Variants in PLCB4 observed in about 807,000 individuals in gnomAD.
PLCB4 encodes 1-phosphatidylinositol 4,5-bisphosphate phosphodiesterase beta-4.
In PLCB4, 77 loss-of-function variants were observed where a neutral mutation model predicts 178.8. That is an observed-to-expected ratio of 0.43 (90% CI 0.36 to 0.52). The LOEUF (loss-of-function observed/expected upper bound fraction) is 0.52, where lower values mean the gene tolerates loss of function less well. Among genes scored for constraint, PLCB4 ranks in the 20% least tolerant of loss-of-function variants. The pLI is 0.00. For missense variants in PLCB4, 1,024 were observed against 1,453.4 expected (o/e 0.70, Z 4.80); for synonymous variants, 496 against 490.8 (o/e 1.01, Z -0.14).
intron 2 of PLCB4, among the ~76,000 whole-genome samples, chr20:9,161,406 A>ACT (rs1568866573): frequency 5.9e-5 from 9 of 152,222 alleles, no homozygotes; most frequent in Admixed American, 2.6e-4. Flanking sequence ...GAGAAGATGG[A>ACT]CAGTAGAGAG....
rs138048031 is a variant in PLCB4, at chr20:9,361,423, A to G, written c.370-1473A>G. Among the ~76,000 whole-genome samples the G allele has an allele frequency of 8.5e-4, 129 of 152,358 alleles. 1 individual carries two copies. The highest frequency in any genetic ancestry group is 2.7e-3 in the African/African-American group (111 of 41,582). On this transcript the variant is annotated intron_variant, in intron 7 of 39. Coordinates refer to ENST00000378473, the MANE Select transcript of PLCB4 (RefSeq NM_001377142.1). ...GTTCCATTTATATGAGGCACCTAGC[A>G]TAGTCAGAATCACAGAGACAGAAAG... is the stretch of plus-strand genomic sequence containing the variant.
In PLCB4 at chr20:9,286,454, T is replaced by G. The variant is rs181471064; in HGVS notation, c.-15-21346T>G. On this transcript the variant is annotated intron_variant, in intron 3 of 39. Coordinates refer to ENST00000378473, the MANE Select transcript of PLCB4 (RefSeq NM_001377142.1). ...TCTCTGGCTTCTGGTTTTACTTCAATGTTTACATCTATTTCTTCAGGCCTA... is the reference window on the plus strand; with the variant it reads ...TCTCTGGCTTCTGGTTTTACTTCAAGGTTTACATCTATTTCTTCAGGCCTA... 2.0e-5 allele frequency among the ~76,000 whole-genome samples: 3 copies of G among 152,190 alleles called. No homozygotes were observed. In the East Asian group the frequency reaches 5.8e-4, roughly 30 times the overall value.
At chr20:9,138,142 A>G (rs1314859824) in intron 2 of PLCB4, among the ~76,000 whole-genome samples, 3 of 152,106 alleles carry the variant, frequency 2.0e-5, no homozygotes, top group African/African-American at 7.2e-5. Flanking sequence ...TATCAGGAAG[A>G]TAAGAGGAGG....
At chr20:9,114,524 A>G (rs930980669) in intron 2 of PLCB4, among the ~76,000 whole-genome samples, 15 of 152,194 alleles carry the variant, frequency 9.9e-5, no homozygotes, top group Non-Finnish European at 1.8e-4. Context: ...AGTGTTAAAC[A>G]CTAATAATGT....
chr20:9,296,185 A>G (rs2094631926), intron 3 of PLCB4, among the ~76,000 whole-genome samples: 1 of 152,310 alleles, frequency 6.6e-6, no homozygotes, highest in African/African-American at 2.4e-5. Context: ...GCCCCATCAA[A>G]AAGTGGGCGA....
intron 13 of PLCB4, 34 bp downstream of exon 13, chr20:9,380,196 A>C: frequency 9.0e-7 from 1 of 1,117,052 alleles, no homozygotes; most frequent in South Asian, 1.5e-5. Flanking sequence ...TAAAAAAAAA[A>C]ACAAGAAAAG....
chr20:9,448,337 G>C (rs1602836632), intron 32 of PLCB4, among the ~76,000 whole-genome samples: 1 of 152,070 alleles, frequency 6.6e-6, no homozygotes, highest in South Asian at 2.1e-4. Context: ...CCACCCCAAA[G>C]CCTTATGTCA....
At chr20:9,384,535 G>T (rs757984317) in intron 14 of PLCB4, 124 bp downstream of exon 14, 13 of 679,524 alleles carry the variant, frequency 1.9e-5, no homozygotes, top group Admixed American at 4.9e-5. Flanking sequence ...CCCTTTAATG[G>T]ATTATCATGG....
intron 25 of PLCB4, among the ~76,000 whole-genome samples, chr20:9,412,583 C>A (rs966932327): frequency 1.3e-5 from 2 of 152,206 alleles, no homozygotes; most frequent in Admixed American, 1.3e-4. Flanking sequence ...ATGAGACCCA[C>A]CTTTGGGCTT....
At chr20:9,465,069 A>T (rs2043674199) in intron 35 of PLCB4, among the ~76,000 whole-genome samples, 2 of 152,232 alleles carry the variant, frequency 1.3e-5, no homozygotes, top group South Asian at 2.1e-4. Flanking sequence ...CCAGCAGCAC[A>T]TCAGAAAGCT....
At chr20:9,277,375 T>C (rs1046773226) in intron 3 of PLCB4, among the ~76,000 whole-genome samples, 3 of 152,072 alleles carry the variant, frequency 2.0e-5, no homozygotes, top group Non-Finnish European at 4.4e-5. Flanking sequence ...TTTGATTTTC[T>C]AAAAAGAACA....
At chr20:9,403,351 G>A (rs2039185315) in intron 20 of PLCB4, among the ~76,000 whole-genome samples, 1 of 152,184 alleles carries the variant, frequency 6.6e-6, no homozygotes, top group Non-Finnish European at 1.5e-5. Flanking sequence ...CAGAAAAGAA[G>A]AGCAAGGTAT....
At chr20:9,230,930 G>A (rs1370462523) in intron 3 of PLCB4, among the ~76,000 whole-genome samples, 1 of 152,110 alleles carries the variant, frequency 6.6e-6, no homozygotes, top group Admixed American at 6.6e-5. Context: ...GATGGCTTTA[G>A]GAGACAAGGA....
chr20:9,074,350 A>G (rs902471457), intron 1 of PLCB4, among the ~76,000 whole-genome samples: 4 of 152,144 alleles, frequency 2.6e-5, no homozygotes, highest in African/African-American at 9.7e-5. Flanking sequence ...AGCTACGGAA[A>G]CACCCTTGGG....
chr20:9,345,251 A>G (rs1369209252), intron 7 of PLCB4, among the ~76,000 whole-genome samples: 1 of 152,162 alleles, frequency 6.6e-6, no homozygotes, highest in Non-Finnish European at 1.5e-5. Context: ...ACTGAAATAA[A>G]GCTCTTTTTT....
At chr20:9,310,301 A>G (rs893609534) in intron 4 of PLCB4, among the ~76,000 whole-genome samples, 1 of 152,224 alleles carries the variant, frequency 6.6e-6, no homozygotes, top group Non-Finnish European at 1.5e-5. Flanking sequence ...CTAAAGTGTC[A>G]TAGCAAAGGT....
rs78968555 is a variant in PLCB4 at position 9,345,637 on chromosome 20, A to C, written c.369+6600A>C. On this transcript the variant is annotated intron_variant, in intron 7 of 39. Transcript: ENST00000378473. The stretch of plus-strand genomic sequence containing the variant: ...AATAAGCTGTTATTATGACGTTCAA[A>C]ATGCAAATATTGGGATTGAGTTTAG... 4.2e-3 allele frequency among the ~76,000 whole-genome samples: 647 copies of C among 152,310 alleles called. 8 individuals carry two copies. The highest frequency in any genetic ancestry group is 0.013 in the African/African-American group (530 of 41,574).
rs144945896 is a variant in PLCB4, at chr20:9,305,400, A to T, written c.-15-2400A>T. On this transcript the variant is annotated intron_variant, in intron 3 of 39. Coordinates refer to ENST00000378473, the MANE Select transcript of PLCB4 (RefSeq NM_001377142.1). ...CCTACTGATGTCTAGAGTTTTTAGT[A>T]TCTCTGTTCCCTTCCCAAAATGGTT... is the stretch of plus-strand genomic sequence containing the variant. 6.1e-3 allele frequency among the ~76,000 whole-genome samples: 927 copies of T among 152,116 alleles called. 7 individuals carry two copies. Among genetic ancestry groups the T allele is most frequent in the African/African-American group, 0.021 (853 of 41,530 alleles).
intron 14 of PLCB4, 30 bp downstream of exon 14, chr20:9,384,441 T>C: frequency 7.1e-7 from 1 of 1,401,196 alleles, no homozygotes; most frequent in East Asian, 2.3e-5. Context: ...AATTTGTTTT[T>C]TGTGTGTGAT....
Sources: allele counts gnomAD v4.1 joint callset (sites outside exome capture counted in the v4.1 genomes callset), GRCh38; gene constraint gnomAD v4.1.1; transcripts MANE v1.5; gene names NCBI Gene and HGNC (gene_info 2026-07-23, HGNC 2026-07-21).